AHCYL2: variants seen among roughly 807,000 people sequenced by gnomAD.
AHCYL2 encodes S-adenosylhomocysteine hydrolase-like protein 2.
AHCYL2 carries 28 observed loss-of-function variants against 81.4 expected under a neutral mutation model. That is an observed-to-expected ratio of 0.34 (90% CI 0.25 to 0.47). AHCYL2 has a LOEUF of 0.47. Ranked by LOEUF, AHCYL2 falls within the 20% of genes least tolerant of loss-of-function variation. The pLI, the probability that AHCYL2 is intolerant of heterozygous loss-of-function variation, is 1.00. For missense variants in AHCYL2, 551 were observed against 785.1 expected, an observed-to-expected ratio of 0.70 and a Z score of 3.56; for synonymous variants, 272 against 290.2, an observed-to-expected ratio of 0.94 and a Z score of 0.64.
chr7:129,427,000 C>G lies in AHCYL2; in HGVS notation c.1830-39C>G. The G allele has an allele frequency of 6.2e-7, 1 of 1,605,324 alleles. No individual in the cohort carries two copies. Among genetic ancestry groups the G allele is most frequent in the Admixed American group, 1.7e-5 (1 of 59,826 alleles). ...CTTCATGTCCCAGCATCCCCATTAG[C>G]TGATAACATCACAGTCTCATCTTTC... On this transcript the variant is annotated intron_variant, in intron 16 of 16. Coordinates refer to ENST00000325006, the MANE Select transcript of AHCYL2 (RefSeq NM_015328.4). This position sits in a 1 kb window ranked among gnomAD's most constrained non-coding sequence, Gnocchi z 4.3.
At chr7:129,282,300 A>G (rs1362502830) in intron 1 of AHCYL2, among the ~76,000 whole-genome samples, 1 of 152,060 alleles carries the variant, frequency 6.6e-6, no homozygotes, top group Admixed American at 6.5e-5. Context: ...TTTGGCCACT[A>G]TTTCTTTAAA....
At chr7:129,404,857 T>C (rs1233573684) in intron 7 of AHCYL2, among the ~76,000 whole-genome samples, 1 of 152,110 alleles carries the variant, frequency 6.6e-6, no homozygotes, top group Non-Finnish European at 1.5e-5. Context: ...GCCTTAAAAT[T>C]TAGAGGTGGG....
chr7:129,379,255 G>A (rs1794835806), intron 1 of AHCYL2, among the ~76,000 whole-genome samples: 1 of 151,288 alleles, frequency 6.6e-6, no homozygotes, highest in Admixed American at 6.6e-5. Flanking sequence ...ACTGCAGCCT[G>A]GGTGACAGAG....
chr7:129,427,035 C>G lies in AHCYL2; in HGVS notation c.1830-4C>G, dbSNP rs1454928403. ...CACAGTCTCATCTTTCTTTTTCCCT[C>G]CAGGTATTAAGTTCCTGTAACTCAA... On this transcript the variant is annotated splice_polypyrimidine_tract_variant and splice_region_variant and intron_variant, in intron 16 of 16. Transcript: ENST00000325006. The surrounding 1 kb of genome is among the most constrained non-coding windows in gnomAD (Gnocchi z 5.5). The G allele has an allele frequency of 2.5e-6, 4 of 1,610,896 alleles. No homozygotes were observed. The African/African-American group carries it at 5.3e-5, about 22-fold the overall frequency.
intron 12 of AHCYL2, among the ~76,000 whole-genome samples, chr7:129,418,367 T>G (rs1796956607): frequency 6.6e-6 from 1 of 152,132 alleles, no homozygotes; most frequent in South Asian, 2.1e-4. Flanking sequence ...TGGTGCAATC[T>G]CGGCTCACTG....
At position 129,406,492 on chromosome 7, in the gene AHCYL2, T is replaced by C; in HGVS notation, c.1295+26T>C. The C allele has an allele frequency of 1.2e-6, 2 of 1,608,786 alleles. No homozygotes were observed. Among genetic ancestry groups the C allele is most frequent in the South Asian group, 2.2e-5 (2 of 90,944 alleles). On this transcript the variant is annotated intron_variant, in intron 10 of 16. Transcript: ENST00000325006. The surrounding 1 kb of genome is among the most constrained non-coding windows in gnomAD (Gnocchi z 4.3). ...GTAAGCCTCTACGCTACCATCTCAC[T>C]TGCAATCTCGGAGCTGTCTCCAAAG...
At chr7:129,328,275 T>G (rs1321790077) in intron 1 of AHCYL2, among the ~76,000 whole-genome samples, 1 of 152,166 alleles carries the variant, frequency 6.6e-6, no homozygotes, top group East Asian at 1.9e-4. Context: ...CCTCTCGGGT[T>G]CAAGTGATTT....
chr7:129,375,909 T>G lies in AHCYL2; in HGVS notation c.364-3729T>G, dbSNP rs547892058. On this transcript the variant is annotated intron_variant, in intron 1 of 16. Coordinates refer to ENST00000325006, the MANE Select transcript of AHCYL2 (RefSeq NM_015328.4). The stretch of plus-strand genomic sequence containing the variant: ...GAAGAAATACATTGTTAATGGCAAC[T>G]CTGGGATTAAGGCCCAGGTGAGGCT... 6.6e-5 allele frequency: 102 copies of G among 1,536,144 alleles called. No homozygotes were observed. The Middle Eastern group carries it at 6.7e-4, about 10-fold the overall frequency.
At chr7:129,266,648 C>A (rs2150722450) in intron 1 of AHCYL2, among the ~76,000 whole-genome samples, 1 of 152,260 alleles carries the variant, frequency 6.6e-6, no homozygotes, top group African/African-American at 2.4e-5. Flanking sequence ...GGACAAATCA[C>A]TCATATAATT....
chr7:129,371,872 G>A (rs1367303099), intron 1 of AHCYL2, among the ~76,000 whole-genome samples: 2 of 152,192 alleles, frequency 1.3e-5, no homozygotes, highest in Admixed American at 6.5e-5. Context: ...AGTTCAAGCC[G>A]CTCATTTGGC....
At position 129,225,032 on chromosome 7, in the gene AHCYL2, G is replaced by T. The variant is rs1357956910; in HGVS notation, c.-45G>T. 1.3e-6 allele frequency: 2 copies of T among 1,558,150 alleles called. No individual in the cohort carries two copies. Among genetic ancestry groups the T allele is most frequent in the East Asian group, 2.4e-5 (1 of 41,866 alleles). On this transcript the variant is annotated 5_prime_UTR_variant, in exon 1 of 17. Transcript: ENST00000325006. ...GGAGGTGGGAGGCGGGGCCGACCAA[G>T]AGCAGGAGCTGGAGTCTGAGCCGGT...
intron 1 of AHCYL2, among the ~76,000 whole-genome samples, chr7:129,242,770 A>G (rs1794910761): frequency 6.6e-6 from 1 of 151,964 alleles, no homozygotes; most frequent in South Asian, 2.1e-4. Context: ...CAGCTTGACA[A>G]GATATTTCCA....
At chr7:129,270,413 C>T (rs1407208397) in intron 1 of AHCYL2, among the ~76,000 whole-genome samples, 10 of 152,176 alleles carry the variant, frequency 6.6e-5, no homozygotes, top group African/African-American at 2.4e-4. Flanking sequence ...GAACATTTTT[C>T]ACTTTTTTCT....
chr7:129,358,242 A>G (rs930642713), intron 1 of AHCYL2, among the ~76,000 whole-genome samples: 1 of 151,562 alleles, frequency 6.6e-6, no homozygotes, highest in Non-Finnish European at 1.5e-5. Context: ...ACATACAAAA[A>G]TTAGCCGGGC....
chr7:129,349,671 AAG>A (rs1793488483), intron 1 of AHCYL2, among the ~76,000 whole-genome samples: 1 of 150,770 alleles, frequency 6.6e-6, no homozygotes, highest in Non-Finnish European at 1.5e-5. Flanking sequence ...AAAAAAAAAA[AAG>A]CGTATGCCAA....
At chr7:129,420,961 AGT>A (rs1391859624) in intron 12 of AHCYL2, among the ~76,000 whole-genome samples, 1 of 152,214 alleles carries the variant, frequency 6.6e-6, no homozygotes, top group Non-Finnish European at 1.5e-5. Flanking sequence ...GCAACTTGAT[AGT>A]GAGTGGGCTG....
rs558300265 is a variant in AHCYL2 at position 129,319,252 on chromosome 7, T to G, written c.364-60386T>G. ...AGGTGGATCACTTGAGGTCAGGAGT[T>G]CAAGACCAACCTGGGCAACATGGTG... On this transcript the variant is annotated intron_variant, in intron 1 of 16. Coordinates refer to ENST00000325006, the MANE Select transcript of AHCYL2 (RefSeq NM_015328.4). Among the ~76,000 whole-genome samples the G allele has an allele frequency of 9.2e-5, 14 of 152,088 alleles. No homozygotes were observed. In the South Asian group the frequency reaches 2.1e-3, roughly 23 times the overall value.
intron 4 of AHCYL2, among the ~76,000 whole-genome samples, chr7:129,391,058 A>G (rs986633100): frequency 2.6e-5 from 4 of 152,232 alleles, no homozygotes; most frequent in Non-Finnish European, 4.4e-5. Flanking sequence ...GTGTATTTCA[A>G]TATGTAAATA....
At chr7:129,385,756 A>T (rs1203018364) in intron 2 of AHCYL2, among the ~76,000 whole-genome samples, 1 of 152,182 alleles carries the variant, frequency 6.6e-6, no homozygotes, top group East Asian at 1.9e-4. Context: ...GGATCTCAGG[A>T]CTACTTTAGT....
Sources: allele counts gnomAD v4.1 joint callset (sites outside exome capture counted in the v4.1 genomes callset), GRCh38; gene constraint gnomAD v4.1.1; non-coding constraint Gnocchi (gnomAD v3.1); transcripts MANE v1.5; gene names NCBI Gene and HGNC (gene_info 2026-07-23, HGNC 2026-07-21).